SCN10A: variants seen among roughly 807,000 people sequenced by gnomAD.
SCN10A encodes sodium voltage-gated channel alpha subunit 10.
A neutral mutation model predicts 170.7 loss-of-function variants in SCN10A; 162 were observed. That is an observed-to-expected ratio of 0.95 (90% CI 0.84 to 1.08). SCN10A has a LOEUF of 1.08. SCN10A is among the 50% of genes least tolerant of loss of function. SCN10A has a pLI of 0.00. For missense variants in SCN10A, 2,527 were observed against 2,436.9 expected (o/e 1.04, Z -0.78); for synonymous variants, 985 against 904.6 (o/e 1.09, Z -1.59).
At chr3:38,740,313 C>A (rs1450739739) in intron 14 of SCN10A, among the ~76,000 whole-genome samples, 1 of 152,162 alleles carries the variant, frequency 6.6e-6, no homozygotes, top group South Asian at 2.1e-4. Context: ...TGAGAGAGGT[C>A]AGAACCAGGC....
At chr3:38,735,404 A>C (rs2063550719) in intron 15 of SCN10A, among the ~76,000 whole-genome samples, 2 of 152,222 alleles carry the variant, frequency 1.3e-5, no homozygotes, top group Non-Finnish European at 1.5e-5. Context: ...ACCTCATGGA[A>C]ACATTTTTAA....
At chr3:38,754,161 G>T (rs1309588000) in intron 11 of SCN10A, among the ~76,000 whole-genome samples, 1 of 152,146 alleles carries the variant, frequency 6.6e-6, no homozygotes, top group Non-Finnish European at 1.5e-5. Flanking sequence ...ACTCTCTCAA[G>T]TCTTCAATTA....
At chr3:38,731,839 G>A (rs1185099893) in intron 15 of SCN10A, among the ~76,000 whole-genome samples, 3 of 152,136 alleles carry the variant, frequency 2.0e-5, no homozygotes, top group African/African-American at 7.2e-5. Context: ...GCAAATCCCG[G>A]TATCCACCCA....
At chr3:38,707,175 C>T in intron 26 of SCN10A, 104 bp downstream of exon 26, 1 of 1,218,764 alleles carries the variant, frequency 8.2e-7, no homozygotes, top group Non-Finnish European at 1.2e-6. Flanking sequence ...CCCAGATCTT[C>T]TCTTCCATAA....
rs1002513373 is a variant in SCN10A at position 38,797,771 on chromosome 3, G to A, written c.-32-3729C>T. On this transcript the variant is annotated intron_variant, in intron 1 of 27. Coordinates refer to ENST00000449082, the MANE Select transcript of SCN10A (RefSeq NM_006514.4). ...CTCAGTGACACTGGAATGCAATGTT[G>A]AGGATTGAGAACAGGACTAAGCCAG... Among the ~76,000 whole-genome samples the A allele has an allele frequency of 3.3e-5, 5 of 152,332 alleles. No individual in the cohort carries two copies. The East Asian group carries it at 5.8e-4, about 18-fold the overall frequency.
At chr3:38,733,670 C>G (rs1263226242) in intron 15 of SCN10A, among the ~76,000 whole-genome samples, 1 of 152,110 alleles carries the variant, frequency 6.6e-6, no homozygotes. Flanking sequence ...CACGTGCCAT[C>G]ATGCCCAGCT....
intron 4 of SCN10A, among the ~76,000 whole-genome samples, chr3:38,773,365 G>C (rs993231600): frequency 1.3e-5 from 2 of 152,050 alleles, no homozygotes; most frequent in African/African-American, 4.8e-5. Flanking sequence ...GCGATCCAGG[G>C]AAGAGGCAAA....
chr3:38,749,992 G>A (rs2126021490), intron 13 of SCN10A, 81 bp downstream of exon 13: 5 of 750,110 alleles, frequency 6.7e-6, no homozygotes, highest in Admixed American at 2.1e-5. Flanking sequence ...GCTTTGACAC[G>A]AGTTAGAGAC....
chr3:38,784,340 T>G (rs867442681), intron 4 of SCN10A, among the ~76,000 whole-genome samples: 1 of 152,136 alleles, frequency 6.6e-6, no homozygotes, highest in Non-Finnish European at 1.5e-5. Context: ...CGCAAGTCAA[T>G]AAACGTAATC....
intron 1 of SCN10A, among the ~76,000 whole-genome samples, chr3:38,807,509 A>C (rs763088051): frequency 2.6e-5 from 4 of 152,170 alleles, no homozygotes; most frequent in Non-Finnish European, 4.4e-5. Context: ...GCAGGATTTG[A>C]CATGACTGGC....
chr3:38,755,836 T>C lies in SCN10A; in HGVS notation c.1413A>G (p.Thr471=). The C allele has an allele frequency of 1.2e-6, 2 of 1,614,168 alleles. No individual in the cohort carries two copies. Among genetic ancestry groups the C allele is most frequent in the Non-Finnish European group, 8.5e-7 (1 of 1,180,026 alleles). ...RIKPRVSEGS[T]EDNKSPRSDP... is the part of the protein sequence containing the mutation. ...CAGAGCGGGGTGATTTGTTGTCTTC[T>C]GTGGAGCCCTCTGACACTCTTGGCT... is the stretch of plus-strand genomic sequence containing the variant. The change falls in exon 11 of 28, where the codon ACA becomes ACG. Residue 471 remains threonine, a synonymous_variant. Coordinates refer to ENST00000449082, the MANE Select transcript of SCN10A (RefSeq NM_006514.4).
intron 26 of SCN10A, among the ~76,000 whole-genome samples, chr3:38,704,844 A>C (rs2063193235): frequency 6.6e-6 from 1 of 152,238 alleles, no homozygotes; most frequent in African/African-American, 2.4e-5. Flanking sequence ...TGGTATGACC[A>C]GCTTGACCTT....
chr3:38,771,041 GAGCTCAC>G (rs1475300661), intron 5 of SCN10A, among the ~76,000 whole-genome samples: 1 of 152,146 alleles, frequency 6.6e-6, no homozygotes, highest in East Asian at 1.9e-4. Flanking sequence ...CACACTTTGG[GAGCTCAC>G]AGTTTTTCAC....
At chr3:38,727,931 GTTA>G (rs1482095475) in intron 16 of SCN10A, among the ~76,000 whole-genome samples, 1 of 152,140 alleles carries the variant, frequency 6.6e-6, no homozygotes, top group Non-Finnish European at 1.5e-5. Flanking sequence ...AGTAGATTTT[GTTA>G]TTATTTCTGT....
intron 5 of SCN10A, among the ~76,000 whole-genome samples, chr3:38,766,269 A>G (rs151025175): frequency 1.4e-4 from 22 of 152,126 alleles, no homozygotes; most frequent in Admixed American, 2.6e-4. Context: ...TTCCAGTACT[A>G]TGTTGGATAG....
intron 8 of SCN10A, among the ~76,000 whole-genome samples, chr3:38,757,688 T>C (rs2063823987): frequency 6.6e-6 from 1 of 152,230 alleles, no homozygotes; most frequent in African/African-American, 2.4e-5. Context: ...ATAAGGAATC[T>C]GGGGGTCAGA....
chr3:38,697,958 C>G lies in SCN10A; in HGVS notation c.5262G>C (p.Glu1754Asp), dbSNP rs747687632. 6.2e-7 allele frequency: 1 copy of G among 1,614,116 alleles called. No homozygotes were observed. The highest frequency in any genetic ancestry group is 8.5e-7 in the Non-Finnish European group (1 of 1,180,028). ...CAGAAAAGGTAATAAACTGAGTGGCCTCTGGGTCAAACTTCTCCCAGGTCT... is the reference window on the plus strand; with the variant it reads ...CAGAAAAGGTAATAAACTGAGTGGCGTCTGGGTCAAACTTCTCCCAGGTCT... ...FYETWEKFDPEATQFITFSAL... is the reference protein window; with the variant it reads ...FYETWEKFDPDATQFITFSAL... The change falls in exon 28 of 28, where the codon GAG becomes GAC. Residue 1754 changes from glutamate to aspartate, a missense_variant. Physicochemically the swap from Glu to Asp is conservative, Grantham distance 45. Coordinates refer to ENST00000449082, the MANE Select transcript of SCN10A (RefSeq NM_006514.4).
At chr3:38,783,703 T>G (rs1243939188) in intron 4 of SCN10A, among the ~76,000 whole-genome samples, 1 of 152,104 alleles carries the variant, frequency 6.6e-6, no homozygotes, top group Non-Finnish European at 1.5e-5. Context: ...AGTACATATT[T>G]CTGTTAAACA....
intron 13 of SCN10A, among the ~76,000 whole-genome samples, chr3:38,746,280 G>A (rs2063689978): frequency 6.6e-6 from 1 of 151,126 alleles, no homozygotes; most frequent in Non-Finnish European, 1.5e-5. Context: ...CCCTTTATGA[G>A]TTATTGTATC....
Sources: allele counts gnomAD v4.1 joint callset (sites outside exome capture counted in the v4.1 genomes callset), GRCh38; gene constraint gnomAD v4.1.1; transcripts MANE v1.5; gene names NCBI Gene and HGNC (gene_info 2026-07-23, HGNC 2026-07-21).